The following LAMA2 variants were observed in gnomAD, a reference collection of about 807,000 sequenced individuals.
LAMA2 encodes laminin subunit alpha-2.
LAMA2 carries 269 observed loss-of-function variants against 364.8 expected under a neutral mutation model. That is an observed-to-expected ratio of 0.74 (90% CI 0.67 to 0.82). The LOEUF (loss-of-function observed/expected upper bound fraction) is 0.82, where lower values mean the gene tolerates loss of function less well. Ranked by LOEUF, LAMA2 falls within the 40% of genes least tolerant of loss-of-function variation. The pLI is 0.00. For missense variants in LAMA2, 3,807 were observed against 3,873.2 expected (o/e 0.98, Z 0.45); for synonymous variants, 1,379 against 1,370.6 (o/e 1.01, Z -0.14).
At chr6:129,162,895 G>A (rs144757908) in intron 8 of LAMA2, among the ~76,000 whole-genome samples, 248 of 152,004 alleles carry the variant, frequency 1.6e-3, no homozygotes, top group African/African-American at 5.8e-3. Flanking sequence ...AACTAGGAGG[G>A]GGGGGAAGAA....
intron 1 of LAMA2, among the ~76,000 whole-genome samples, chr6:128,991,317 T>C (rs1042432123): frequency 2.0e-5 from 3 of 152,200 alleles, no homozygotes; most frequent in African/African-American, 7.2e-5. Flanking sequence ...CTTATACTGT[T>C]GATCTCAGAA....
chr6:129,042,269 C>T (rs1787154946), intron 1 of LAMA2, among the ~76,000 whole-genome samples: 1 of 152,060 alleles, frequency 6.6e-6, no homozygotes, highest in Non-Finnish European at 1.5e-5. Flanking sequence ...CATACTACTG[C>T]ACTCCATCCT....
intron 40 of LAMA2, among the ~76,000 whole-genome samples, chr6:129,405,362 G>A (rs1007758609): frequency 5.7e-4 from 87 of 152,172 alleles, no homozygotes; most frequent in African/African-American, 2.0e-3. Context: ...TTATGATAAG[G>A]AGGTGTTTAA....
intron 1 of LAMA2, among the ~76,000 whole-genome samples, chr6:128,956,416 G>C (rs1210008620): frequency 6.6e-6 from 1 of 151,866 alleles, no homozygotes; most frequent in Non-Finnish European, 1.5e-5. Context: ...TAGTTATTCT[G>C]TTTGTAGATT....
intron 1 of LAMA2, among the ~76,000 whole-genome samples, chr6:128,915,746 A>T (rs1481989901): frequency 1.3e-5 from 2 of 152,188 alleles, no homozygotes; most frequent in African/African-American, 2.4e-5. Flanking sequence ...CGTTTATGCA[A>T]GTGGATAGTC....
intron 1 of LAMA2, among the ~76,000 whole-genome samples, chr6:128,960,361 A>T (rs1182014301): frequency 6.8e-6 from 1 of 146,778 alleles, no homozygotes; most frequent in African/African-American, 2.5e-5. Context: ...TTTTTGAGAC[A>T]AAGTCTCGCT....
At chr6:128,988,967 T>A (rs1425079819) in intron 1 of LAMA2, among the ~76,000 whole-genome samples, 1 of 152,160 alleles carries the variant, frequency 6.6e-6, no homozygotes, top group African/African-American at 2.4e-5. Flanking sequence ...TAAAGGATTA[T>A]TTGTCTTCAA....
intron 15 of LAMA2, 60 bp downstream of exon 15, chr6:129,260,882 AACCTATTCTAATAAG>A: frequency 2.1e-6 from 2 of 967,248 alleles, no homozygotes; most frequent in Non-Finnish European, 3.4e-6. Context: ...TGCTTTCAAT[AACCTATTCTAATAAG>A]AGCTGTTTTT....
intron 1 of LAMA2, among the ~76,000 whole-genome samples, chr6:129,007,501 G>A (rs1784514136): frequency 6.6e-6 from 1 of 152,104 alleles, no homozygotes. Flanking sequence ...ATCCTCTGTG[G>A]CACTGAAGTC....
At chr6:129,226,790 G>A (rs1662172411) in intron 12 of LAMA2, among the ~76,000 whole-genome samples, 1 of 152,092 alleles carries the variant, frequency 6.6e-6, no homozygotes, top group African/African-American at 2.4e-5. Context: ...CAACTTTGGT[G>A]AATCTGACAA....
intron 17 of LAMA2, among the ~76,000 whole-genome samples, chr6:129,275,315 TG>T (rs958101120): frequency 4.6e-5 from 7 of 151,980 alleles, no homozygotes; most frequent in Admixed American, 4.6e-4. Context: ...TGGTTCCATA[TG>T]CCAAAGGAAA....
intron 1 of LAMA2, among the ~76,000 whole-genome samples, chr6:129,046,078 G>A (rs1406202848): frequency 3.3e-5 from 5 of 152,280 alleles, no homozygotes; most frequent in African/African-American, 9.6e-5. Flanking sequence ...TCATATAAGC[G>A]AGCAAGAGAA....
chr6:128,899,596 A>G (rs926692291), intron 1 of LAMA2, among the ~76,000 whole-genome samples: 2 of 152,166 alleles, frequency 1.3e-5, no homozygotes, highest in African/African-American at 2.4e-5. Flanking sequence ...AAAACATTTT[A>G]TGTGTACTTT....
intron 1 of LAMA2, among the ~76,000 whole-genome samples, chr6:128,932,908 A>C (rs139222049): frequency 1.7e-3 from 264 of 152,278 alleles, no homozygotes; most frequent in African/African-American, 6.0e-3. Flanking sequence ...AATATTATTA[A>C]CTATAGTTAC....
At chr6:129,415,254 C>T (rs1780725202) in intron 40 of LAMA2, among the ~76,000 whole-genome samples, 1 of 152,116 alleles carries the variant, frequency 6.6e-6, no homozygotes, top group Non-Finnish European at 1.5e-5. Context: ...ATACAGAAGT[C>T]CCTTCTCTGA....
intron 3 of LAMA2, among the ~76,000 whole-genome samples, chr6:129,086,819 G>A (rs1774414021): frequency 6.6e-6 from 1 of 152,174 alleles, no homozygotes; most frequent in Admixed American, 6.5e-5. Flanking sequence ...GTCCAGGTGT[G>A]GGTAGTATTG....
At chr6:129,447,006 T>C (rs1282347221) in intron 45 of LAMA2, among the ~76,000 whole-genome samples, 1 of 152,218 alleles carries the variant, frequency 6.6e-6, no homozygotes, top group African/African-American at 2.4e-5. Context: ...GGCAGTATCG[T>C]TGACATGTGA....
chr6:129,458,583 T>C (rs1466776062), intron 48 of LAMA2, among the ~76,000 whole-genome samples: 1 of 151,920 alleles, frequency 6.6e-6, no homozygotes, highest in African/African-American at 2.4e-5. Flanking sequence ...AGTAGGATAA[T>C]CAATCTCTAG....
intron 40 of LAMA2, among the ~76,000 whole-genome samples, chr6:129,416,547 G>C (rs1780799583): frequency 1.3e-5 from 2 of 152,226 alleles, no homozygotes; most frequent in Middle Eastern, 3.4e-3. Flanking sequence ...CCATCGCCCA[G>C]AGCCAGACCC....
Sources: gnomAD v4.1 joint callset for allele counts (sites outside exome capture counted in the v4.1 genomes callset) on GRCh38, gnomAD v4.1.1 for gene constraint, MANE v1.5 for transcripts, NCBI Gene and HGNC (gene_info 2026-07-23, HGNC 2026-07-21) for gene names.